The following ABCC1 variants were observed in gnomAD, a reference collection of about 807,000 sequenced individuals.
ABCC1 encodes the protein ATP binding cassette subfamily C member 1 (ABCC1 blood group).
Under a neutral mutation model 172.9 loss-of-function variants are expected in ABCC1, and 83 were observed. The observed-to-expected ratio is 0.48, with a 90% CI of 0.40 to 0.58. ABCC1 has a LOEUF of 0.58. Ranked by LOEUF, ABCC1 falls within the 20% of genes least tolerant of loss-of-function variation. ABCC1 has a pLI of 0.00. For synonymous variants in ABCC1, 937 were observed against 825.2 expected (o/e 1.14, Z -2.32); for missense variants, 1,817 against 2,002.7 (o/e 0.91, Z 1.77).
chr16:16,111,555 G>A lies in ABCC1; in HGVS notation c.3052G>A (p.Val1018Ile), dbSNP rs201166561. The change falls in exon 22 of 31, where the codon GTC (valine) becomes ATC (isoleucine). Residue 1018 changes from valine to isoleucine, a missense_variant. Physicochemically the swap from Val to Ile is conservative, Grantham distance 29 (BLOSUM62 3). Coordinates refer to ENST00000399410, the MANE Select transcript of ABCC1 (RefSeq NM_004996.4). ...GGAGCACACGAAAGTCCGGCTGAGC[G>A]TCTATGGAGCCCTGGGCATTTCACA... ...TQEHTKVRLS[V>I]YGALGISQGI... The A allele has an allele frequency of 2.0e-5, 33 of 1,613,566 alleles. No individual in the cohort carries two copies. Among genetic ancestry groups the A allele is most frequent in the East Asian group, 8.9e-5 (4 of 44,898 alleles).
rs759266398 is a variant in ABCC1 at position 16,134,352 on chromosome 16, C to T, written c.3969C>T (p.Val1323=). Residue 1323 remains valine (V), a splice_region_variant and synonymous_variant, in exon 28 of 31, where the codon GTC becomes GTT. Coordinates refer to ENST00000399410, the MANE Select transcript of ABCC1 (RefSeq NM_004996.4). ...ACCTGGGCCCTTCTGTCCTGCAGGT[C>T]GGCATCGTGGGGCGGACGGGAGCTG... ...INVTINGGEK[V]GIVGRTGAGK... is the part of the protein sequence containing the mutation. The T allele has an allele frequency of 2.0e-5, 33 of 1,613,938 alleles. 1 individual carries two copies. The East Asian group carries it at 4.9e-4, about 24-fold the overall frequency.
In ABCC1 at chr16:16,044,565, T is replaced by G. The variant is rs2049121826; in HGVS notation, c.925T>G (p.Trp309Gly). ...ALIVKSPQKE[W>G]NPSLFKVLYK... ...GATCGTCAAGTCCCCACAGAAGGAG[T>G]GGAACCCCTCTCTGTTTAAGGTGTT... is the stretch of plus-strand genomic sequence containing the variant. Residue 309 changes from tryptophan to glycine, a missense_variant, in exon 8 of 31, where the codon TGG becomes GGG. By Grantham distance (184) the Trp-to-Gly change is radical. Around this residue, in one of 3 missense-constraint regions of ABCC1, gnomAD observed 398 missense variants for 384.2 expected, o/e 1.04. Transcript: ENST00000399410. The G allele has an allele frequency of 6.2e-7, 1 of 1,613,836 alleles. No individual in the cohort carries two copies. Among genetic ancestry groups the G allele is most frequent in the Non-Finnish European group, 8.5e-7 (1 of 1,179,986 alleles).
At chr16:16,026,464 CCT>C (rs2048375534) in intron 5 of ABCC1, among the ~76,000 whole-genome samples, 2 of 102,260 alleles carry the variant, frequency 2.0e-5, no homozygotes, top group Non-Finnish European at 3.8e-5. Flanking sequence ...AAGGCTATTT[CCT>C]TTTTTTTTTT....
chr16:15,970,904 G>A (rs1732000020), intron 1 of ABCC1, among the ~76,000 whole-genome samples: 1 of 152,170 alleles, frequency 6.6e-6, no homozygotes, highest in Admixed American at 6.6e-5. Flanking sequence ...CTTCAACTCA[G>A]TCCCTAAAGA....
At chr16:16,104,248 C>T (rs1454101104) in intron 20 of ABCC1, among the ~76,000 whole-genome samples, 1 of 152,162 alleles carries the variant, frequency 6.6e-6, no homozygotes, top group Non-Finnish European at 1.5e-5. Context: ...CTGGCTCTGG[C>T]AGCCAGCTTT....
chr16:16,130,115 C>T (rs2045615415), intron 26 of ABCC1, among the ~76,000 whole-genome samples: 1 of 152,224 alleles, frequency 6.6e-6, no homozygotes, highest in Non-Finnish European at 1.5e-5. Flanking sequence ...AAGTTACCGC[C>T]CCTCTCTGTG....
At chr16:16,135,536 A>C (rs145083045) in intron 28 of ABCC1, among the ~76,000 whole-genome samples, 1 of 152,128 alleles carries the variant, frequency 6.6e-6, no homozygotes, top group Non-Finnish European at 1.5e-5. Flanking sequence ...GCTTACTGCA[A>C]CCTGCACCTC....
rs763457535 is a variant in ABCC1, at chr16:16,016,628, G to T, written c.615+7G>T. The stretch of plus-strand genomic sequence containing the variant: ...GGAAACCATCCACGACCCTGTAAGT[G>T]TGACCACAGATGAGTGTGTGTGCGT... On this transcript the variant is annotated splice_region_variant and intron_variant, in intron 5 of 30. Coordinates refer to ENST00000399410, the MANE Select transcript of ABCC1 (RefSeq NM_004996.4). The T allele has an allele frequency of 1.2e-6, 2 of 1,614,136 alleles. No homozygotes were observed. Among genetic ancestry groups the T allele is most frequent in the East Asian group, 4.5e-5 (2 of 44,882 alleles).
chr16:16,099,482 C>G (rs2051629672), intron 19 of ABCC1, among the ~76,000 whole-genome samples: 1 of 152,202 alleles, frequency 6.6e-6, no homozygotes, highest in Admixed American at 6.5e-5. Context: ...GCAGCAGAAG[C>G]TGAATCTGGC....
chr16:16,105,699 C>G (rs1017042531), intron 20 of ABCC1, among the ~76,000 whole-genome samples: 2 of 136,788 alleles, frequency 1.5e-5, no homozygotes, highest in African/African-American at 5.7e-5. Flanking sequence ...TCCATAATTT[C>G]TTTTCTTTTC....
chr16:16,052,695 G>A (rs376605340), intron 10 of ABCC1, 29 bp from the exon 11 acceptor site: 3 of 1,608,242 alleles, frequency 1.9e-6, no homozygotes, highest in African/African-American at 2.7e-5. Context: ...TGTCTGGTGA[G>A]TGATGAAGAG....
intron 19 of ABCC1, 31 bp from the exon 20 acceptor site, chr16:16,102,596 C>G: frequency 6.4e-7 from 1 of 1,553,130 alleles, no homozygotes; most frequent in Non-Finnish European, 8.7e-7. Flanking sequence ...TCATATAACC[C>G]CACTTGCCCC....
intron 11 of ABCC1, among the ~76,000 whole-genome samples, chr16:16,054,405 C>T (rs2049564412): frequency 2.0e-5 from 3 of 152,168 alleles, no homozygotes; most frequent in Admixed American, 2.0e-4. Flanking sequence ...CGTATAGCTT[C>T]AATTCATTCT....
intron 1 of ABCC1, among the ~76,000 whole-genome samples, chr16:15,969,072 C>T (rs552484646): frequency 1.3e-4 from 20 of 151,954 alleles, no homozygotes; most frequent in Admixed American, 5.2e-4. Context: ...ACTGTGGTGG[C>T]GCTTGCCTAT....
chr16:16,100,282 A>G (rs959344297), intron 19 of ABCC1, among the ~76,000 whole-genome samples: 14 of 152,284 alleles, frequency 9.2e-5, no homozygotes, highest in African/African-American at 3.1e-4. Context: ...CCAGCTGACC[A>G]TGGTGGCTGC....
intron 1 of ABCC1, among the ~76,000 whole-genome samples, chr16:15,958,689 T>C (rs868349118): frequency 1.3e-5 from 2 of 152,128 alleles, no homozygotes; most frequent in Middle Eastern, 3.2e-3. Context: ...GAGGCAAGCT[T>C]CCCCCCGCTT....
intron 13 of ABCC1, among the ~76,000 whole-genome samples, chr16:16,069,784 G>C (rs1447101355): frequency 6.6e-6 from 1 of 152,108 alleles, no homozygotes; most frequent in Non-Finnish European, 1.5e-5. Flanking sequence ...AGCATTTTGG[G>C]AGACCAAGGC....
intron 20 of ABCC1, among the ~76,000 whole-genome samples, chr16:16,104,998 C>T (rs2052009131): frequency 1.3e-5 from 2 of 152,260 alleles, no homozygotes; most frequent in South Asian, 2.1e-4. Context: ...CGGTTCCCTC[C>T]CGTTCCTCTC....
Position 15,949,631 on chromosome 16 carries a change from G to GCCGCCGCCGCCGCCGCCC in ABCC1, c.-119_-118insGCCGCCGCCGCCGCCCCC, listed in dbSNP as rs2045813136. The GCCGCCGCCGCCGCCGCCC allele has an allele frequency of 1.5e-6, 1 of 683,820 alleles. No individual in the cohort carries two copies. The highest frequency in any genetic ancestry group is 6.5e-5 in the Admixed American group (1 of 15,362). The allele number at this position is 683,820 out of a possible 1,614,324, so 42.4% of individuals were successfully genotyped here. On this transcript the variant is annotated 5_prime_UTR_variant, in exon 1 of 31. Coordinates refer to ENST00000399410, the MANE Select transcript of ABCC1 (RefSeq NM_004996.4). The stretch of plus-strand genomic sequence containing the variant: ...TCCCTGCGCCGCCGCCGCCGCCGCC[G>GCCGCCGCCGCCGCCGCCC]CCAGCGCTAGCGCCAGCAGCCGGGC...
Sources: allele counts gnomAD v4.1 joint callset (sites outside exome capture counted in the v4.1 genomes callset), GRCh38; gene constraint gnomAD v4.1.1; regional missense constraint gnomAD v4.1.1; transcripts MANE v1.5; gene names NCBI Gene and HGNC (gene_info 2026-07-23, HGNC 2026-07-21).